The following UBXN6 variants were observed in gnomAD, a reference collection of about 807,000 sequenced individuals.
The protein encoded by UBXN6 is UBX domain protein 6, also known as UBX domain-containing protein 6.
In UBXN6, 44 loss-of-function variants were observed where a neutral mutation model predicts 51.4. That is an observed-to-expected ratio of 0.86 (90% CI 0.67 to 1.10). The LOEUF (loss-of-function observed/expected upper bound fraction) is 1.10, where lower values mean the gene tolerates loss of function less well. UBXN6 is among the 50% of genes least tolerant of loss of function. UBXN6 has a pLI of 0.00. For missense variants in UBXN6, 672 were observed against 596.1 expected, an observed-to-expected ratio of 1.13 and a Z score of -1.32; for synonymous variants, 316 against 263.2, an observed-to-expected ratio of 1.20 and a Z score of -1.94.
rs570416019 is a variant in UBXN6 at position 4,454,304 on chromosome 19, G to A, written c.84-211C>T. 3.3e-5 allele frequency among the ~76,000 whole-genome samples: 5 copies of A among 152,332 alleles called. No individual in the cohort carries two copies. In the South Asian group the frequency reaches 6.2e-4, roughly 19 times the overall value. Reference sequence around the variant, plus strand: ...GGAAGAGCCCCTGGAGGAAGGAGATGCTGGTTCCACTCAGCTCTGCACCAT... The same window carrying A: ...GGAAGAGCCCCTGGAGGAAGGAGATACTGGTTCCACTCAGCTCTGCACCAT... On this transcript the variant is annotated intron_variant, in intron 1 of 10. Transcript: ENST00000301281.
chr19:4,454,739 C>T (rs72990643), intron 1 of UBXN6: 31,661 of 152,198 alleles, frequency 0.21, 3,684 homozygotes, highest in Admixed American at 0.28. Context: ...ATTGAGGAGA[C>T]TCAAGGGGTG....
At chr19:4,453,658 C>T in intron 2 of UBXN6, 136 bp from the exon 3 acceptor site, 1 of 1,156,708 alleles carries the variant, frequency 8.6e-7, no homozygotes, top group South Asian at 1.4e-5. Flanking sequence ...GGAGGTCAGG[C>T]TGGAGGTCCC....
At chr19:4,456,954 C>A (rs1203530196) in intron 1 of UBXN6, among the ~76,000 whole-genome samples, 1 of 152,118 alleles carries the variant, frequency 6.6e-6, no homozygotes. Flanking sequence ...ACGACGCTGC[C>A]CACCCCGGCC....
chr19:4,453,318 C>T (rs1307798615), intron 3 of UBXN6, 140 bp downstream of exon 3: 1 of 941,032 alleles, frequency 1.1e-6, no homozygotes, highest in Non-Finnish European at 1.6e-6. Context: ...CGTGTTCCAC[C>T]ACAACCTGTG....
chr19:4,446,150 G>T lies in UBXN6; in HGVS notation c.1099C>A (p.Arg367=), dbSNP rs370962024. The T allele has an allele frequency of 2.5e-6, 4 of 1,611,004 alleles. No individual in the cohort carries two copies. Among genetic ancestry groups the T allele is most frequent in the Non-Finnish European group, 3.4e-6 (4 of 1,179,690 alleles). Residue 367 remains arginine (R), a synonymous_variant, in exon 10 of 11, where the codon CGG becomes AGG. Coordinates refer to ENST00000301281, the MANE Select transcript of UBXN6 (RefSeq NM_025241.3). ...AGCCAGTCGCTCTGCAGGGCCTCCC[G>T]GACGAACCCGTACACCGCCCCCAGC... ...ERLGAVYGFV[R]EALQSDWLPF... is the part of the protein sequence containing the mutation.
chr19:4,448,712 A>G (rs1157085091), intron 4 of UBXN6: 2 of 421,046 alleles, frequency 4.8e-6, no homozygotes, highest in Non-Finnish European at 8.8e-6. Flanking sequence ...TGTGCCTCAC[A>G]CTCTGGCTTT....
chr19:4,454,309 T>A (rs1280528184), intron 1 of UBXN6, among the ~76,000 whole-genome samples: 1 of 152,180 alleles, frequency 6.6e-6, no homozygotes, highest in Non-Finnish European at 1.5e-5. Context: ...GAGATGCTGG[T>A]TCCACTCAGC....
Position 4,446,622 on chromosome 19 carries a change from C to G in UBXN6, c.798G>C (p.Val266=), listed in dbSNP as rs1371786655. Residue 266 remains valine, a synonymous_variant, in exon 8 of 11, where the codon GTG becomes GTC. Transcript: ENST00000301281. ...HKEQLLAAEP[V]RAKLDRQRRV... The stretch of plus-strand genomic sequence containing the variant: ...GGCGCTGCCTGTCCAGCTTGGCGCG[C>G]ACGGGCTCCGCAGCCAGCAGCTGTT... 1 of 1,612,572 alleles carries G rather than the reference C, an allele frequency of 6.2e-7. No individual in the cohort carries two copies. Among genetic ancestry groups the G allele is most frequent in the East Asian group, 2.2e-5 (1 of 44,874 alleles).
intron 4 of UBXN6, chr19:4,450,182 A>G (rs243392): frequency 0.54 from 79,383 of 146,884 alleles, 21,844 homozygotes; most frequent in Admixed American, 0.71. Context: ...CTGAGATTGC[A>G]CCACTGCACT....
chr19:4,446,399 TCCA>T lies in UBXN6; in HGVS notation c.932_934del (p.Val311del). 3.8e-6 allele frequency: 6 copies of T among 1,578,822 alleles called. No homozygotes were observed. Among genetic ancestry groups the T allele is most frequent in the Non-Finnish European group, 5.1e-6 (6 of 1,169,544 alleles). On this transcript the variant is annotated inframe_deletion, in exon 9 of 11. Coordinates refer to ENST00000301281, the MANE Select transcript of UBXN6 (RefSeq NM_025241.3). ...CTTGGTCCGCAGCACGCTCAGCCGCTCCACCGCCTCGGACCTGCACACGCGGGC... is the reference window on the plus strand; with the variant it reads ...CTTGGTCCGCAGCACGCTCAGCCGCTCCGCCTCGGACCTGCACACGCGGGC...
intron 8 of UBXN6, 41 bp downstream of exon 8, chr19:4,446,459 C>A (rs1460194875): frequency 1.3e-6 from 2 of 1,582,772 alleles, no homozygotes; most frequent in Non-Finnish European, 1.7e-6. Context: ...GGTTCTTCCA[C>A]CCCGCCCCGC....
intron 3 of UBXN6, among the ~76,000 whole-genome samples, chr19:4,453,063 G>A (rs1289065154): frequency 6.6e-6 from 1 of 152,196 alleles, no homozygotes; most frequent in Non-Finnish European, 1.5e-5. Context: ...GCAGTGCTAG[G>A]GGACAGGCTC....
rs767897891 is a variant in UBXN6, at chr19:4,446,100, T to G, written c.1149A>C (p.Gly383=). 1.8e-5 allele frequency: 29 copies of G among 1,612,548 alleles called. No individual in the cohort carries two copies. The highest frequency in any genetic ancestry group is 1.9e-5 in the Non-Finnish European group (22 of 1,179,892). The change falls in exon 10 of 11, where the codon GGA becomes GGC. Residue 383 remains glycine (G), a synonymous_variant. Transcript: ENST00000301281. ...TCTCGTCCTCGGACAGCTTCTGCCC[T>G]CCCGAGGCCAGCAGCTCAAAAGGCA... ...DWLPFELLAS[G]GQKLSEDENL...
intron 10 of UBXN6, 42 bp from the exon 11 acceptor site, chr19:4,445,665 C>A: frequency 6.3e-7 from 1 of 1,590,376 alleles, no homozygotes. Flanking sequence ...CGAGAGTCGG[C>A]CCTTGCCGCG....
At chr19:4,451,056 GTTTTGT>G (rs1460111892) in intron 4 of UBXN6, among the ~76,000 whole-genome samples, 2 of 152,036 alleles carry the variant, frequency 1.3e-5, no homozygotes, top group Admixed American at 1.3e-4. Flanking sequence ...ATTTTGTTTT[GTTTTGT>G]TTTTAAGATG....
chr19:4,455,427 G>T, intron 1 of UBXN6: 1 of 348,034 alleles, frequency 2.9e-6, no homozygotes, highest in Non-Finnish European at 4.0e-6. Context: ...GGCCTCATCC[G>T]ATATCTGGGT....
At chr19:4,447,373 GTC>G (rs984239574) in intron 6 of UBXN6, 175 bp downstream of exon 6, 13 of 646,362 alleles carry the variant, frequency 2.0e-5, no homozygotes, top group Non-Finnish European at 3.3e-5. Flanking sequence ...GTGCATAAAA[GTC>G]TTGCTCTCCA....
intron 3 of UBXN6, among the ~76,000 whole-genome samples, chr19:4,452,907 C>T (rs971953733): frequency 2.0e-5 from 3 of 152,210 alleles, no homozygotes; most frequent in African/African-American, 4.8e-5. Context: ...AAGGTCCCTG[C>T]GTGCTAAAAT....
chr19:4,448,692 G>A (rs372573234), intron 4 of UBXN6: 9 of 485,070 alleles, frequency 1.9e-5, no homozygotes, highest in Admixed American at 6.7e-5. Context: ...CCAGTGTGAC[G>A]CGACAGAACT....
Sources: allele counts gnomAD v4.1 joint callset (sites outside exome capture counted in the v4.1 genomes callset), GRCh38; gene constraint gnomAD v4.1.1; transcripts MANE v1.5; gene names NCBI Gene and HGNC (gene_info 2026-07-23, HGNC 2026-07-21).